PPFIA2: variants seen among roughly 807,000 people sequenced by gnomAD.
The protein encoded by PPFIA2 is PPFI scaffold protein A2, also known as liprin-alpha-2.
A neutral mutation model predicts 175.5 loss-of-function variants in PPFIA2; 46 were observed. The observed-to-expected ratio is 0.26, with a 90% CI of 0.21 to 0.34. PPFIA2 has a LOEUF of 0.34. Ranked by LOEUF, PPFIA2 falls within the 10% of genes least tolerant of loss-of-function variation. The pLI, the probability that PPFIA2 is intolerant of heterozygous loss-of-function variation, is 1.00. For synonymous variants in PPFIA2, 568 were observed against 511.4 expected (o/e 1.11, Z -1.49); for missense variants, 1,179 against 1,506.1 (o/e 0.78, Z 3.60).
rs113507012 is a variant in PPFIA2 at position 81,406,668 on chromosome 12, A to AATAT, written c.646-769_646-766dup. ...ATGATGTTTTAAAATACATTTGCTAAATATATATATATATATCACTTTGAA... is the reference window on the plus strand; with the variant it reads ...ATGATGTTTTAAAATACATTTGCTAAATATATATATATATATATATCACTTTGAA... On this transcript the variant is annotated intron_variant, in intron 7 of 32. Transcript: ENST00000549396. 5.5e-4 allele frequency among the ~76,000 whole-genome samples: 83 copies of AATAT among 149,932 alleles called. 1 individual carries two copies. Among genetic ancestry groups the AATAT allele is most frequent in the African/African-American group, 1.9e-3 (80 of 41,078 alleles).
chr12:81,374,106 C>A (rs897350706), intron 11 of PPFIA2, among the ~76,000 whole-genome samples: 1 of 151,982 alleles, frequency 6.6e-6, no homozygotes, highest in Non-Finnish European at 1.5e-5. Flanking sequence ...GAACACTCTT[C>A]AGCGTATTAT....
At chr12:81,350,328 G>A (rs2059796960) in intron 17 of PPFIA2, 3 of 152,236 alleles carry the variant, frequency 2.0e-5, no homozygotes, top group Admixed American at 2.0e-4. Context: ...TAAATATCAA[G>A]CGAAGTGCTA....
intron 22 of PPFIA2, among the ~76,000 whole-genome samples, chr12:81,312,907 G>A (rs1921049): frequency 0.03 from 4,546 of 151,920 alleles, 220 homozygotes; most frequent in African/African-American, 0.1. Flanking sequence ...CCTCTTCTTC[G>A]GTGGCCATAT....
intron 7 of PPFIA2, chr12:81,430,557 C>G (rs2144453141): frequency 6.9e-6 from 1 of 144,176 alleles, no homozygotes; most frequent in African/African-American, 2.6e-5. Context: ...CTCTCTCTCT[C>G]TCAATATCTT....
At chr12:81,338,845 A>G (rs1418714407) in intron 21 of PPFIA2, among the ~76,000 whole-genome samples, 4 of 152,130 alleles carry the variant, frequency 2.6e-5, no homozygotes, top group African/African-American at 9.7e-5. Context: ...ATTTATGAAG[A>G]CATTATTTAC....
intron 3 of PPFIA2, among the ~76,000 whole-genome samples, chr12:81,706,170 A>T (rs2077110001): frequency 1.3e-5 from 2 of 152,186 alleles, no homozygotes; most frequent in Admixed American, 1.3e-4. Context: ...AACTTAGAAG[A>T]TTAGACATTG....
intron 4 of PPFIA2, among the ~76,000 whole-genome samples, chr12:81,662,619 G>C (rs931737196): frequency 2.0e-5 from 3 of 152,076 alleles, no homozygotes; most frequent in African/African-American, 7.2e-5. Context: ...TTCTACCAGA[G>C]GTACAAGGAG....
chr12:81,436,992 G>A (rs2049177190), intron 7 of PPFIA2, among the ~76,000 whole-genome samples: 1 of 152,122 alleles, frequency 6.6e-6, no homozygotes, highest in South Asian at 2.1e-4. Flanking sequence ...AAAACAAATG[G>A]CATTCAGAAA....
intron 7 of PPFIA2, among the ~76,000 whole-genome samples, chr12:81,427,246 G>T (rs557207045): frequency 6.6e-6 from 1 of 152,130 alleles, no homozygotes; most frequent in Middle Eastern, 3.4e-3. Context: ...TAACTACACC[G>T]AAATTGAAAG....
At chr12:81,332,853 A>G (rs2056401591) in intron 21 of PPFIA2, among the ~76,000 whole-genome samples, 1 of 152,194 alleles carries the variant, frequency 6.6e-6, no homozygotes, top group Non-Finnish European at 1.5e-5. Flanking sequence ...TTCGATATGT[A>G]TAGAATGTGG....
intron 4 of PPFIA2, among the ~76,000 whole-genome samples, chr12:81,554,910 A>G (rs955617315): frequency 2.0e-5 from 3 of 152,058 alleles, no homozygotes; most frequent in African/African-American, 7.2e-5. Context: ...TCTCAGTAAC[A>G]GAGATGAGTC....
intron 3 of PPFIA2, among the ~76,000 whole-genome samples, chr12:81,719,413 C>T (rs918843715): frequency 6.6e-6 from 1 of 151,532 alleles, no homozygotes; most frequent in Non-Finnish European, 1.5e-5. Flanking sequence ...AAGTTCTGAT[C>T]TTAATTCTGC....
intron 4 of PPFIA2, among the ~76,000 whole-genome samples, chr12:81,614,514 A>T (rs1194112503): frequency 6.6e-6 from 1 of 152,174 alleles, no homozygotes; most frequent in Non-Finnish European, 1.5e-5. Flanking sequence ...GAGAAAGATT[A>T]TTGGTTTTAC....
chr12:81,531,581 ATAAT>A (rs1390727823), intron 4 of PPFIA2, among the ~76,000 whole-genome samples: 1 of 151,676 alleles, frequency 6.6e-6, no homozygotes, highest in Non-Finnish European at 1.5e-5. Context: ...GAGAATGATG[ATAAT>A]TAATAACGAA....
intron 15 of PPFIA2, among the ~76,000 whole-genome samples, chr12:81,361,444 G>A (rs948529250): frequency 1.2e-4 from 18 of 151,412 alleles, no homozygotes; most frequent in African/African-American, 2.4e-4. Flanking sequence ...AAATAAGAAC[G>A]ATTTTCTCAA....
intron 9 of PPFIA2, among the ~76,000 whole-genome samples, chr12:81,383,013 C>A (rs2038090551): frequency 6.6e-6 from 1 of 151,928 alleles, no homozygotes; most frequent in Admixed American, 6.6e-5. Context: ...TGCTATGAGC[C>A]CAGTGAAGAA....
intron 7 of PPFIA2, among the ~76,000 whole-genome samples, chr12:81,416,853 A>G (rs1566735574): frequency 6.6e-6 from 1 of 151,768 alleles, no homozygotes; most frequent in Non-Finnish European, 1.5e-5. Flanking sequence ...GGCTGAGAAG[A>G]GAGTGAATGC....
intron 4 of PPFIA2, among the ~76,000 whole-genome samples, chr12:81,525,565 A>G (rs1193257043): frequency 6.6e-6 from 1 of 152,110 alleles, no homozygotes; most frequent in Non-Finnish European, 1.5e-5. Context: ...GAGGGCTCTG[A>G]GCTCCAGTTG....
chr12:81,652,220 A>C (rs1472726708), intron 4 of PPFIA2, among the ~76,000 whole-genome samples: 2 of 147,666 alleles, frequency 1.4e-5, no homozygotes, highest in African/African-American at 5.0e-5. Flanking sequence ...TATAAATGCT[A>C]TTTTTAAAAA....
Sources: allele counts gnomAD v4.1 joint callset (sites outside exome capture counted in the v4.1 genomes callset), GRCh38; gene constraint gnomAD v4.1.1; transcripts MANE v1.5; gene names NCBI Gene and HGNC (gene_info 2026-07-23, HGNC 2026-07-21).